Variants in STK33 observed in about 807,000 individuals in gnomAD.
STK33 encodes serine/threonine-protein kinase 33.
STK33 carries 52 observed loss-of-function variants against 58.0 expected under a neutral mutation model. That is an observed-to-expected ratio of 0.90 (90% CI 0.72 to 1.13). The LOEUF (loss-of-function observed/expected upper bound fraction) is 1.13, where lower values mean the gene tolerates loss of function less well. Among genes scored for constraint, STK33 ranks in the 50% most tolerant of loss-of-function variants. The probability of loss-of-function intolerance (pLI) is 0.00; values close to 1 mark genes in which losing one functional copy is unlikely to be tolerated. For missense variants in STK33, 630 were observed against 604.2 expected (o/e 1.04, Z -0.45); for synonymous variants, 215 against 200.1 (o/e 1.07, Z -0.63).
At chr11:8,373,784 G>A in the STK33 span, among the ~76,000 whole-genome samples, 1 of 152,158 alleles carries the variant, frequency 6.6e-6, no homozygotes, top group East Asian at 1.9e-4. Flanking sequence ...GTGTGAGCTG[G>A]AAAAATGTAA....
chr11:8,335,793 A>G, the STK33 span, among the ~76,000 whole-genome samples: 1 of 152,258 alleles, frequency 6.6e-6, no homozygotes, highest in African/African-American at 2.4e-5. Context: ...AACATTATGA[A>G]TGAGATATTT....
In STK33 at chr11:8,428,988, A is replaced by G. The variant is rs1011407097; in HGVS notation, c.1146+6506T>C. Reference sequence around the variant, plus strand: ...TATAAATTTGAACTTTTTTTGTAAAATGAGACAAATTATAGGTGATTAATA... The same window carrying G: ...TATAAATTTGAACTTTTTTTGTAAAGTGAGACAAATTATAGGTGATTAATA... On this transcript the variant is annotated intron_variant, in intron 14 of 15. Coordinates refer to ENST00000687296, the MANE Select transcript of STK33 (RefSeq NM_001352389.2). Among the ~76,000 whole-genome samples the G allele has an allele frequency of 3.3e-5, 5 of 152,124 alleles. No homozygotes were observed. The South Asian group carries it at 8.3e-4, about 25-fold the overall frequency.
At position 8,393,900 on chromosome 11, in the gene STK33, G is replaced by T. The variant is rs117364668; in HGVS notation, c.1345-1190C>A. ...CTTTTGGCACCTATATTTCAAGAAA[G>T]AAAATCCACCTGATGTTTGCTTGCT... On this transcript the variant is annotated intron_variant, in intron 15 of 15. Coordinates refer to ENST00000687296, the MANE Select transcript of STK33 (RefSeq NM_001352389.2). 1.0e-3 allele frequency among the ~76,000 whole-genome samples: 158 copies of T among 152,252 alleles called. 1 individual carries two copies. The East Asian group carries it at 0.025, about 24-fold the overall frequency.
chr11:8,554,626 G>A (rs1040001534), intron 1 of STK33, among the ~76,000 whole-genome samples: 1 of 152,182 alleles, frequency 6.6e-6, no homozygotes, highest in Admixed American at 6.5e-5. Context: ...TGAGGATGCA[G>A]AGAAAGGGAA....
At chr11:8,461,781 A>G in intron 8 of STK33, 24 bp downstream of exon 8, 1 of 1,512,986 alleles carries the variant, frequency 6.6e-7, no homozygotes, top group Non-Finnish European at 8.9e-7. Context: ...AACTTTCAAA[A>G]TGCAGCGCCT....
At chr11:8,551,414 G>A (rs957717272) in intron 1 of STK33, among the ~76,000 whole-genome samples, 1 of 152,158 alleles carries the variant, frequency 6.6e-6, no homozygotes, top group Admixed American at 6.5e-5. Flanking sequence ...ACAGGCATGA[G>A]CCACCATGCC....
At chr11:8,447,471 G>T (rs975141629) in intron 11 of STK33, among the ~76,000 whole-genome samples, 1 of 152,120 alleles carries the variant, frequency 6.6e-6, no homozygotes, top group African/African-American at 2.4e-5. Flanking sequence ...GGGATACAAG[G>T]CTGGTTCAAC....
the STK33 span, among the ~76,000 whole-genome samples, chr11:8,358,143 C>T: frequency 6.6e-6 from 1 of 152,242 alleles, no homozygotes; most frequent in African/African-American, 2.4e-5. Context: ...CCTTCTCCTG[C>T]ACTTCCCCTA....
At chr11:8,382,326 C>G in the STK33 span, among the ~76,000 whole-genome samples, 1 of 152,228 alleles carries the variant, frequency 6.6e-6, no homozygotes, top group African/African-American at 2.4e-5. Context: ...CTGATGGTAG[C>G]TGGGGAGCAG....
At chr11:8,562,249 G>A (rs1029599707) in intron 1 of STK33, among the ~76,000 whole-genome samples, 16 of 152,096 alleles carry the variant, frequency 1.1e-4, no homozygotes, top group Non-Finnish European at 8.8e-5. Context: ...TCAGTTAACT[G>A]CTACATAGCT....
chr11:8,552,125 C>T (rs72853486), intron 1 of STK33, among the ~76,000 whole-genome samples: 3,137 of 152,310 alleles, frequency 0.021, 36 homozygotes, highest in Non-Finnish European at 0.036. Context: ...AATGAATGTC[C>T]ACCTCCAATT....
intron 6 of STK33, chr11:8,466,413 C>CTA (rs1948190311): frequency 6.6e-6 from 1 of 152,216 alleles, no homozygotes; most frequent in Non-Finnish European, 1.5e-5. Context: ...AGGCTACAGG[C>CTA]CCAATGCAAG....
At position 8,447,058 on chromosome 11, in the gene STK33, C is replaced by T. The variant is rs184650020; in HGVS notation, c.871+5764G>A. ...CCTAGAGAATGGGAGAAAGTTTTTGCAATCTTTCCATCTAACAAAGGGCTA... is the reference window on the plus strand; with the variant it reads ...CCTAGAGAATGGGAGAAAGTTTTTGTAATCTTTCCATCTAACAAAGGGCTA... On this transcript the variant is annotated intron_variant, in intron 11 of 15. Transcript: ENST00000687296. 8.5e-4 allele frequency among the ~76,000 whole-genome samples: 130 copies of T among 152,254 alleles called. 2 individuals carry two copies. Among genetic ancestry groups the T allele is most frequent in the Non-Finnish European group, 3.1e-4 (21 of 68,014 alleles).
intron 12 of STK33, among the ~76,000 whole-genome samples, chr11:8,439,576 T>A (rs1010947823): frequency 3.3e-5 from 5 of 151,748 alleles, no homozygotes; most frequent in African/African-American, 1.2e-4. Context: ...TTGAGCTGGG[T>A]CCACCCAGGA....
At chr11:8,381,643 G>A in the STK33 span, among the ~76,000 whole-genome samples, 17,719 of 152,116 alleles carry the variant, frequency 0.12, 1,618 homozygotes, top group African/African-American at 0.25. Context: ...AGTGAGCACC[G>A]AGCAGCTGGA....
chr11:8,504,129 C>T (rs1387229017), intron 1 of STK33, among the ~76,000 whole-genome samples: 2 of 152,174 alleles, frequency 1.3e-5, no homozygotes, highest in African/African-American at 2.4e-5. Context: ...ATCTCCTCTA[C>T]ACAATAACAA....
At chr11:8,591,524 G>A (rs1026702467) in intron 1 of STK33, among the ~76,000 whole-genome samples, 1 of 152,056 alleles carries the variant, frequency 6.6e-6, no homozygotes, top group African/African-American at 2.4e-5. Flanking sequence ...CCCAAATGAC[G>A]AAGGGTTAAT....
chr11:8,432,197 T>C (rs1943504244), intron 14 of STK33, among the ~76,000 whole-genome samples: 1 of 152,222 alleles, frequency 6.6e-6, no homozygotes, highest in East Asian at 1.9e-4. Context: ...CTGACTTCCT[T>C]AATTTATAGC....
intron 1 of STK33, among the ~76,000 whole-genome samples, chr11:8,581,119 C>G (rs1170694177): frequency 6.6e-6 from 1 of 152,062 alleles, no homozygotes; most frequent in African/African-American, 2.4e-5. Flanking sequence ...TCCTGGGATG[C>G]CTTTTCCTTC....
Sources: allele counts gnomAD v4.1 joint callset (sites outside exome capture counted in the v4.1 genomes callset), GRCh38; gene constraint gnomAD v4.1.1; transcripts MANE v1.5; gene names NCBI Gene and HGNC (gene_info 2026-07-23, HGNC 2026-07-21).